Variants in CFAP20DC observed in about 807,000 individuals in gnomAD.
The protein encoded by CFAP20DC is protein CFAP20DC.
In CFAP20DC, 84 loss-of-function variants were observed where a neutral mutation model predicts 101.7. The ratio of observed to expected loss-of-function variants is 0.83; its 90% CI spans 0.69 to 0.99. The LOEUF (loss-of-function observed/expected upper bound fraction) is 0.99, where lower values mean the gene tolerates loss of function less well. CFAP20DC is among the 50% of genes least tolerant of loss of function. The pLI is 0.00. For missense variants in CFAP20DC, 1,007 were observed against 970.3 expected (o/e 1.04, Z -0.50); for synonymous variants, 359 against 351.2 (o/e 1.02, Z -0.25).
chr3:59,034,526 A>G (rs1201741286), intron 4 of CFAP20DC, among the ~76,000 whole-genome samples: 2 of 152,204 alleles, frequency 1.3e-5, no homozygotes, highest in East Asian at 3.8e-4. Flanking sequence ...GAAAGAAAAC[A>G]AAAGCAGGGG....
At chr3:58,736,092 C>T (rs914757460) in intron 3 of CFAP20DC, among the ~76,000 whole-genome samples, 3 of 152,028 alleles carry the variant, frequency 2.0e-5, no homozygotes, top group Non-Finnish European at 4.4e-5. Flanking sequence ...GTATACTGTC[C>T]AGACCTAGGT....
chr3:58,772,241 A>G (rs144918222), intron 15 of CFAP20DC, among the ~76,000 whole-genome samples: 18 of 152,324 alleles, frequency 1.2e-4, no homozygotes, highest in African/African-American at 3.6e-4. Flanking sequence ...TTTGTGCCCA[A>G]CACTGTGTTG....
At chr3:58,816,431 C>T (rs558775472) in intron 14 of CFAP20DC, among the ~76,000 whole-genome samples, 224 of 152,254 alleles carry the variant, frequency 1.5e-3, no homozygotes, top group Admixed American at 2.5e-3. Context: ...CCAGTGGGTG[C>T]GTGCACCGTG....
At chr3:58,995,975 AATCT>A (rs10688272) in intron 4 of CFAP20DC, among the ~76,000 whole-genome samples, 3,728 of 145,258 alleles carry the variant, frequency 0.026, 68 homozygotes, top group Non-Finnish European at 0.038. Flanking sequence ...CTGTATAATA[AATCT>A]ATCTATCTAT....
At chr3:58,753,431 TGTA>T (rs2068709933) in intron 16 of CFAP20DC, among the ~76,000 whole-genome samples, 1 of 152,198 alleles carries the variant, frequency 6.6e-6, no homozygotes, top group Admixed American at 6.5e-5. Flanking sequence ...ATTTTATAGA[TGTA>T]GTAATCAAAA....
At chr3:58,760,330 CTGTT>C (rs1488335601) in intron 15 of CFAP20DC, among the ~76,000 whole-genome samples, 4 of 152,276 alleles carry the variant, frequency 2.6e-5, no homozygotes, top group East Asian at 3.9e-4. Context: ...ATTTTGCTCT[CTGTT>C]TGTCTGTTAT....
At chr3:58,736,077 T>G (rs1447615036) in intron 3 of CFAP20DC, among the ~76,000 whole-genome samples, 1 of 152,134 alleles carries the variant, frequency 6.6e-6, no homozygotes, top group African/African-American at 2.4e-5. Flanking sequence ...GAAAAGATAT[T>G]ATAAGTATAC....
chr3:58,937,066 T>G (rs1380100537), intron 5 of CFAP20DC, among the ~76,000 whole-genome samples: 1 of 152,190 alleles, frequency 6.6e-6, no homozygotes, highest in East Asian at 1.9e-4. Flanking sequence ...GACTGAAGTT[T>G]GAGAACGACT....
chr3:58,862,550 A>T lies in CFAP20DC; in HGVS notation c.1593+1008T>A, dbSNP rs2079338156. On this transcript the variant is annotated intron_variant, in intron 12 of 16. Transcript: ENST00000482387. ...ACGCGCTTTGCTGAAGAAACTCATT[A>T]AAAGTTGAAAAAACCCAGAATTACT... 3.0e-6 allele frequency: 3 copies of T among 985,416 alleles called. No homozygotes were observed. In the African/African-American group the frequency reaches 5.2e-5, roughly 17 times the overall value. The allele number at this position is 985,416 out of a possible 1,614,324, so 61.0% of individuals were successfully genotyped here.
At chr3:58,786,356 T>C (rs2072337483) in intron 15 of CFAP20DC, among the ~76,000 whole-genome samples, 2 of 152,186 alleles carry the variant, frequency 1.3e-5, no homozygotes, top group Non-Finnish European at 2.9e-5. Flanking sequence ...AATCCAGAGA[T>C]GGAGGCAGAC....
chr3:58,890,334 C>T lies in CFAP20DC; in HGVS notation c.551-5625G>A, dbSNP rs71311900. On this transcript the variant is annotated intron_variant, in intron 6 of 16. Transcript: ENST00000482387. ...CTGACCCCCCCACCTCCCTCCCGGACGGGGCGGCTGGCCGGGCAGAGGGGC... is the reference window on the plus strand; with the variant it reads ...CTGACCCCCCCACCTCCCTCCCGGATGGGGCGGCTGGCCGGGCAGAGGGGC... Among the ~76,000 whole-genome samples the T allele has an allele frequency of 6.3e-3, 881 of 140,824 alleles. 9 individuals carry two copies. The highest frequency in any genetic ancestry group is 0.022 in the African/African-American group (821 of 37,222). The allele number at this position is 140,824 out of a possible 152,430, so 92.4% of individuals were successfully genotyped here.
intron 3 of CFAP20DC, among the ~76,000 whole-genome samples, chr3:59,042,377 G>A (rs111432127): frequency 0.012 from 1,778 of 151,726 alleles, 35 homozygotes; most frequent in African/African-American, 0.041. Flanking sequence ...TAAAATCAAT[G>A]GTAAACCCCT....
rs2087797905 is a variant in CFAP20DC at position 58,937,114 on chromosome 3, T to C, written c.393+534A>G. Among the ~76,000 whole-genome samples the C allele has an allele frequency of 2.6e-5, 4 of 152,204 alleles. No homozygotes were observed. In the South Asian group the frequency reaches 8.3e-4, roughly 32 times the overall value. On this transcript the variant is annotated intron_variant, in intron 5 of 16. Transcript: ENST00000482387. ...CAGGCCCTTCAGAAGTTATACAACG[T>C]ACTTAAAATGTCTGAACCCATATCA... is the stretch of plus-strand genomic sequence containing the variant.
At chr3:58,842,672 G>A (rs897192675) in intron 13 of CFAP20DC, among the ~76,000 whole-genome samples, 1 of 152,234 alleles carries the variant, frequency 6.6e-6, no homozygotes, top group African/African-American at 2.4e-5. Flanking sequence ...ACAGCTCAAG[G>A]AGGCCTGCCT....
At position 58,861,477 on chromosome 3, in the gene CFAP20DC, G is replaced by T. The variant is rs2079243578; in HGVS notation, c.1593+2081C>A. The T allele has an allele frequency of 1.1e-6, 1 of 909,858 alleles. No individual in the cohort carries two copies. Among genetic ancestry groups the T allele is most frequent in the Non-Finnish European group, 1.3e-6 (1 of 761,298 alleles). The allele number at this position is 909,858 out of a possible 1,614,324, so 56.4% of individuals were successfully genotyped here. Reference sequence around the variant, plus strand: ...TAAATATGTAGCCTAATTTCCCATTGATTTATACAATTAATAAATAGAAGA... The same window carrying T: ...TAAATATGTAGCCTAATTTCCCATTTATTTATACAATTAATAAATAGAAGA... On this transcript the variant is annotated intron_variant, in intron 12 of 16. Transcript: ENST00000482387. This position sits in a 1 kb window ranked among gnomAD's most constrained non-coding sequence, Gnocchi z 4.0.
chr3:58,895,167 C>G (rs896856423), intron 6 of CFAP20DC, among the ~76,000 whole-genome samples: 4 of 152,210 alleles, frequency 2.6e-5, no homozygotes, highest in African/African-American at 9.7e-5. Flanking sequence ...GGTTAACATT[C>G]AGCTCCTCAT....
intron 4 of CFAP20DC, among the ~76,000 whole-genome samples, chr3:58,960,989 A>G (rs891089897): frequency 6.6e-6 from 1 of 152,100 alleles, no homozygotes; most frequent in African/African-American, 2.4e-5. Flanking sequence ...ATCTGTCCCT[A>G]TTATGGTGAT....
chr3:58,738,998 T>C (rs1362975596), downstream of CFAP20DC, among the ~76,000 whole-genome samples: 1 of 152,218 alleles, frequency 6.6e-6, no homozygotes, highest in African/African-American at 2.4e-5. This position sits in a 1 kb window ranked among gnomAD's most constrained non-coding sequence, Gnocchi z 4.4. Flanking sequence ...ATTATTCTTA[T>C]TAAACACAGT....
At position 58,894,147 on chromosome 3, in the gene CFAP20DC, C is replaced by A. The variant is rs548397510; in HGVS notation, c.551-9438G>T. Among the ~76,000 whole-genome samples the A allele has an allele frequency of 6.6e-6, 1 of 152,232 alleles. No homozygotes were observed. Among genetic ancestry groups the A allele is most frequent in the South Asian group, 2.1e-4 (1 of 4,814 alleles). On this transcript the variant is annotated intron_variant, in intron 6 of 16. Coordinates refer to ENST00000482387, the MANE Select transcript of CFAP20DC (RefSeq NM_001394063.1). The surrounding 1 kb of genome is among the most constrained non-coding windows in gnomAD (Gnocchi z 4.1). The stretch of plus-strand genomic sequence containing the variant: ...GATGAGACTTGGGTGAGGACACAGC[C>A]AAACCATATCATTCTCCCCTTGGCC...
Sources: gnomAD v4.1 joint callset for allele counts (sites outside exome capture counted in the v4.1 genomes callset) on GRCh38, gnomAD v4.1.1 for gene constraint, Gnocchi (gnomAD v3.1) non-coding constraint, MANE v1.5 for transcripts, NCBI Gene and HGNC (gene_info 2026-07-23, HGNC 2026-07-21) for gene names.